TXNDC16: variants seen among roughly 807,000 people sequenced by gnomAD.
TXNDC16 encodes thioredoxin domain containing 16.
TXNDC16 carries 74 observed loss-of-function variants against 85.6 expected under a neutral mutation model. That is an observed-to-expected ratio of 0.86 (90% CI 0.72 to 1.05). The LOEUF is 1.05. Among genes scored for constraint, TXNDC16 ranks in the 50% least tolerant of loss-of-function variants. The pLI, the probability that TXNDC16 is intolerant of heterozygous loss-of-function variation, is 0.00. For synonymous variants in TXNDC16, 335 were observed against 326.5 expected (o/e 1.03, Z -0.28); for missense variants, 959 against 947.0 (o/e 1.01, Z -0.17).
At chr14:52,453,532 T>C (rs973744536) in intron 18 of TXNDC16, among the ~76,000 whole-genome samples, 1 of 152,058 alleles carries the variant, frequency 6.6e-6, no homozygotes, top group Non-Finnish European at 1.5e-5. Context: ...TTTAACAACA[T>C]GAATGGAACT....
intron 16 of TXNDC16, among the ~76,000 whole-genome samples, chr14:52,461,697 T>A (rs2035656483): frequency 6.6e-6 from 1 of 152,156 alleles, no homozygotes; most frequent in African/African-American, 2.4e-5. Context: ...AGCATGGCCA[T>A]GAGGCAAATC....
intron 7 of TXNDC16, among the ~76,000 whole-genome samples, chr14:52,517,625 C>G (rs2037114866): frequency 1.3e-5 from 2 of 152,098 alleles, no homozygotes; most frequent in Non-Finnish European, 2.9e-5. Context: ...CTTCTGTGCT[C>G]CCACCCAAGA....
At chr14:52,479,031 T>A (rs2036083748) in intron 14 of TXNDC16, among the ~76,000 whole-genome samples, 2 of 152,094 alleles carry the variant, frequency 1.3e-5, no homozygotes, top group African/African-American at 4.8e-5. Context: ...ATAAATGCGA[T>A]ACACCACATA....
At chr14:52,548,410 T>C (rs2037981522) in intron 1 of TXNDC16, among the ~76,000 whole-genome samples, 1 of 152,272 alleles carries the variant, frequency 6.6e-6, no homozygotes, top group South Asian at 2.1e-4. Flanking sequence ...CAGATGTTCC[T>C]GTAGATAATC....
At chr14:52,464,458 T>C (rs539720791) in intron 16 of TXNDC16, among the ~76,000 whole-genome samples, 18 of 152,294 alleles carry the variant, frequency 1.2e-4, no homozygotes, top group Admixed American at 1.1e-3. Context: ...AAATTCTTCT[T>C]GGAAGGAGGC....
chr14:52,534,111 A>G (rs1012210996), intron 6 of TXNDC16, among the ~76,000 whole-genome samples: 2 of 152,192 alleles, frequency 1.3e-5, no homozygotes, highest in African/African-American at 4.8e-5. Flanking sequence ...GAAAGATCAC[A>G]TAAGGATTTT....
Position 52,543,522 on chromosome 14 carries a change from G to T in TXNDC16, c.36C>A (p.Ile12=), listed in dbSNP as rs770772026. The T allele has an allele frequency of 8.7e-6, 14 of 1,613,330 alleles. No homozygotes were observed. The highest frequency in any genetic ancestry group is 1.2e-5 in the Non-Finnish European group (14 of 1,179,670). ...FSGFNVFRVG[I]SFVIMCIFYM... ...AAAAAATGCACATTATGACAAAAGA[G>T]ATCCCAACTCTAAAGACATTGAAGC... The change falls in exon 3 of 21, where the codon ATC becomes ATA. Residue 12 remains isoleucine (I), a synonymous_variant. Coordinates refer to ENST00000281741, the MANE Select transcript of TXNDC16 (RefSeq NM_020784.3).
At chr14:52,462,155 T>G (rs2035667187) in intron 16 of TXNDC16, among the ~76,000 whole-genome samples, 1 of 152,232 alleles carries the variant, frequency 6.6e-6, no homozygotes, top group Admixed American at 6.5e-5. Flanking sequence ...ATACAAAATT[T>G]TCATTTGCTG....
At chr14:52,496,541 C>T (rs1330528804) in intron 9 of TXNDC16, among the ~76,000 whole-genome samples, 2 of 151,414 alleles carry the variant, frequency 1.3e-5, no homozygotes, top group African/African-American at 4.9e-5. Context: ...TGTCTCTTAC[C>T]ATACAAGTTG....
At chr14:52,475,535 T>G (rs2036001445) in intron 14 of TXNDC16, among the ~76,000 whole-genome samples, 1 of 152,058 alleles carries the variant, frequency 6.6e-6, no homozygotes, top group East Asian at 1.9e-4. Context: ...GGGTGAGGCC[T>G]GTGACTGCCG....
intron 16 of TXNDC16, among the ~76,000 whole-genome samples, chr14:52,458,217 G>T (rs542847701): frequency 6.6e-6 from 1 of 152,166 alleles, no homozygotes; most frequent in Non-Finnish European, 1.5e-5. Flanking sequence ...AAACTTACTA[G>T]AGTAGCTCAG....
intron 14 of TXNDC16, among the ~76,000 whole-genome samples, chr14:52,478,325 G>C (rs2036064769): frequency 6.6e-6 from 1 of 152,034 alleles, no homozygotes; most frequent in South Asian, 2.1e-4. Context: ...AAGTAACCAA[G>C]ATCAGGGCAG....
At chr14:52,484,230 T>C (rs894687554) in intron 12 of TXNDC16, among the ~76,000 whole-genome samples, 3 of 150,942 alleles carry the variant, frequency 2.0e-5, no homozygotes, top group African/African-American at 7.3e-5. Flanking sequence ...GAATGAGCCA[T>C]GGTTTGATAA....
chr14:52,486,235 A>G (rs989967568), intron 12 of TXNDC16, among the ~76,000 whole-genome samples: 5 of 149,146 alleles, frequency 3.4e-5, no homozygotes, highest in African/African-American at 9.9e-5. Context: ...TCTACCTTCA[A>G]CCTATTCATT....
At chr14:52,519,331 A>G (rs752293421) in intron 6 of TXNDC16, 38 bp from the exon 7 acceptor site, 15 of 1,506,858 alleles carry the variant, frequency 1.0e-5, no homozygotes, top group South Asian at 2.4e-5. Context: ...GAAAAATCTG[A>G]TATGTATTTA....
At chr14:52,500,370 C>T (rs1258497932) in intron 9 of TXNDC16, among the ~76,000 whole-genome samples, 1 of 152,126 alleles carries the variant, frequency 6.6e-6, no homozygotes, top group Non-Finnish European at 1.5e-5. Context: ...ACAAATATGG[C>T]ATAACTCAGT....
intron 12 of TXNDC16, among the ~76,000 whole-genome samples, chr14:52,484,836 G>C (rs1239561313): frequency 6.6e-6 from 1 of 151,988 alleles, no homozygotes; most frequent in African/African-American, 2.4e-5. Flanking sequence ...AGCCGAGATT[G>C]CACCGCTGCA....
chr14:52,521,783 G>T (rs1041451592), intron 6 of TXNDC16, among the ~76,000 whole-genome samples: 15 of 152,070 alleles, frequency 9.9e-5, no homozygotes, highest in African/African-American at 3.6e-4. Context: ...CTATGTGCTA[G>T]GTATTTTCAG....
chr14:52,496,890 C>T (rs571763550), intron 9 of TXNDC16, among the ~76,000 whole-genome samples: 7 of 152,144 alleles, frequency 4.6e-5, no homozygotes, highest in Non-Finnish European at 8.8e-5. Flanking sequence ...GGATTATAGG[C>T]GGGAACCACT....
Sources: allele counts gnomAD v4.1 joint callset (sites outside exome capture counted in the v4.1 genomes callset), GRCh38; gene constraint gnomAD v4.1.1; transcripts MANE v1.5; gene names NCBI Gene and HGNC (gene_info 2026-07-23, HGNC 2026-07-21).